Variants in ANXA8 observed in about 807,000 individuals in gnomAD.
ANXA8 encodes VAC-beta.
Under a neutral mutation model 26.8 loss-of-function variants are expected in ANXA8, and 9 were observed. The observed-to-expected ratio is 0.34, with a 90% CI of 0.20 to 0.59. ANXA8 has a LOEUF of 0.59. ANXA8 is among the 20% of genes least tolerant of loss of function. ANXA8 has a pLI of 0.84. For missense variants in ANXA8, 83 were observed against 238.5 expected (o/e 0.35, Z 4.29); for synonymous variants, 39 against 94.8 (o/e 0.41, Z 3.42).
At chr10:47,645,997 C>T in the ANXA8 span, among the ~76,000 whole-genome samples, 1,255 of 141,026 alleles carry the variant, frequency 8.9e-3, 6 homozygotes, top group African/African-American at 0.038. Flanking sequence ...TCTCGACATC[C>T]TTGTGAGCCA....
chr10:47,540,409 T>C, the ANXA8 span, among the ~76,000 whole-genome samples: 1 of 121,434 alleles, frequency 8.2e-6, no homozygotes, highest in African/African-American at 3.0e-5. Context: ...AAAGAACTTA[T>C]AGAGAGAATA....
chr10:47,894,550 AC>A, the ANXA8 span, among the ~76,000 whole-genome samples: 3 of 142,018 alleles, frequency 2.1e-5, no homozygotes, highest in African/African-American at 7.9e-5. Context: ...CACAGAATAT[AC>A]CCCCCTCACA....
At chr10:47,707,175 CAAAA>C in the ANXA8 span, among the ~76,000 whole-genome samples, 4 of 133,840 alleles carry the variant, frequency 3.0e-5, no homozygotes, top group South Asian at 6.9e-4. Flanking sequence ...CTCAAAAAAA[CAAAA>C]AAAAACAAAA....
the ANXA8 span, among the ~76,000 whole-genome samples, chr10:47,947,255 G>C: frequency 7.4e-6 from 1 of 135,466 alleles, no homozygotes; most frequent in Non-Finnish European, 1.5e-5. Flanking sequence ...AGATTAGAAA[G>C]AGATGGAAAA....
chr10:47,564,012 G>A, the ANXA8 span, among the ~76,000 whole-genome samples: 2 of 138,678 alleles, frequency 1.4e-5, no homozygotes, highest in South Asian at 2.5e-4. Flanking sequence ...GAAGAGCACT[G>A]ATTAAATATA....
At chr10:47,949,478 A>T in the ANXA8 span, among the ~76,000 whole-genome samples, 80 of 143,630 alleles carry the variant, frequency 5.6e-4, no homozygotes, top group Non-Finnish European at 9.5e-4. Context: ...AAAAACACTT[A>T]ATGGTAAGTA....
At chr10:47,488,592 C>CT (rs1430424611), upstream of ANXA8, among the ~76,000 whole-genome samples, 5 of 150,552 alleles carry the variant, frequency 3.3e-5, no homozygotes, top group Non-Finnish European at 7.4e-5. Flanking sequence ...AATGTAAGTC[C>CT]TTCATCTACC....
chr10:47,492,349 C>T, the ANXA8 span, among the ~76,000 whole-genome samples: 1 of 147,578 alleles, frequency 6.8e-6, no homozygotes, highest in Admixed American at 6.8e-5. Flanking sequence ...CCAAGAGGCT[C>T]TGTGAGGTCA....
chr10:47,679,383 T>G, the ANXA8 span, among the ~76,000 whole-genome samples: 2 of 152,288 alleles, frequency 1.3e-5, no homozygotes, highest in Non-Finnish European at 2.9e-5. Flanking sequence ...TTTGGGATGC[T>G]GAGGCCCGGA....
At chr10:47,568,200 T>C in the ANXA8 span, among the ~76,000 whole-genome samples, 1 of 57,390 alleles carries the variant, frequency 1.7e-5, no homozygotes, top group East Asian at 3.2e-4. Context: ...CTAATTTTTG[T>C]ATTTTTAGTA....
At chr10:47,947,544 T>TG in the ANXA8 span, among the ~76,000 whole-genome samples, 1 of 150,384 alleles carries the variant, frequency 6.6e-6, no homozygotes, top group Admixed American at 6.6e-5. Flanking sequence ...AGGAGAGGCC[T>TG]GGGGGGAGAT....
chr10:47,717,997 C>CAAAAAA, the ANXA8 span, among the ~76,000 whole-genome samples: 1 of 55,488 alleles, frequency 1.8e-5, no homozygotes, highest in Non-Finnish European at 3.0e-5. Flanking sequence ...TACTCTGTCT[C>CAAAAAA]AAAAAAAAAA....
the ANXA8 span, among the ~76,000 whole-genome samples, chr10:47,645,765 C>T: frequency 2.0e-5 from 3 of 149,998 alleles, no homozygotes; most frequent in African/African-American, 7.6e-5. Context: ...GGATCATCCT[C>T]ACCAATATCT....
At chr10:47,499,942 AT>A in the ANXA8 span, among the ~76,000 whole-genome samples, 6 of 150,156 alleles carry the variant, frequency 4.0e-5, no homozygotes, top group Admixed American at 6.7e-5. Flanking sequence ...TAATTTCTTG[AT>A]TTTTTTTTGG....
chr10:47,761,102 G>GCA, the ANXA8 span, among the ~76,000 whole-genome samples: 92,830 of 145,198 alleles, frequency 0.64, 28,120 homozygotes, highest in Non-Finnish European at 0.71. Flanking sequence ...ACACACACAC[G>GCA]CACACACACA....
the ANXA8 span, chr10:47,549,186 G>T: frequency 1.5e-6 from 1 of 671,836 alleles, no homozygotes. Context: ...CTATATCCCT[G>T]ATAATGACCA....
chr10:47,652,940 A>G, the ANXA8 span, among the ~76,000 whole-genome samples: 4 of 151,378 alleles, frequency 2.6e-5, no homozygotes, highest in African/African-American at 9.8e-5. Context: ...ATTTTATATT[A>G]TATTTATAAA....
chr10:47,497,736 A>C, the ANXA8 span, among the ~76,000 whole-genome samples: 1 of 147,008 alleles, frequency 6.8e-6, no homozygotes, highest in Non-Finnish European at 1.5e-5. Context: ...TCAGGAGTTC[A>C]AGACCAGCCT....
At chr10:47,732,728 T>C in the ANXA8 span, among the ~76,000 whole-genome samples, 3 of 148,894 alleles carry the variant, frequency 2.0e-5, no homozygotes, top group Non-Finnish European at 4.5e-5. Context: ...TTTACATCTT[T>C]TTTTTTTTTT....
Sources: gnomAD v4.1 joint callset for allele counts (sites outside exome capture counted in the v4.1 genomes callset) on GRCh38, gnomAD v4.1.1 for gene constraint, MANE v1.5 for transcripts, NCBI Gene and HGNC (gene_info 2026-07-23, HGNC 2026-07-21) for gene names.